The following HPSE2 variants were observed in gnomAD, a reference collection of about 807,000 sequenced individuals.
The protein encoded by HPSE2 is inactive heparanase-2.
Under a neutral mutation model 60.5 loss-of-function variants are expected in HPSE2, and 38 were observed. That is an observed-to-expected ratio of 0.63 (90% CI 0.48 to 0.82). The LOEUF is 0.82. Ranked by LOEUF, HPSE2 falls within the 40% of genes least tolerant of loss-of-function variation. The pLI, the probability that HPSE2 is intolerant of heterozygous loss-of-function variation, is 0.00. For synonymous variants in HPSE2, 295 were observed against 293.2 expected, an observed-to-expected ratio of 1.01 and a Z score of -0.06; for missense variants, 713 against 740.4, an observed-to-expected ratio of 0.96 and a Z score of 0.43.
intron 9 of HPSE2, among the ~76,000 whole-genome samples, chr10:98,545,953 A>C (rs1564956853): frequency 6.7e-6 from 1 of 149,198 alleles, no homozygotes; most frequent in African/African-American, 2.4e-5. Flanking sequence ...ACTTCAGCAA[A>C]GTCTCAGGAT....
At chr10:98,631,438 A>G (rs1946362509) in intron 7 of HPSE2, among the ~76,000 whole-genome samples, 3 of 152,340 alleles carry the variant, frequency 2.0e-5, no homozygotes, top group South Asian at 2.1e-4. Flanking sequence ...CCACTTGCAC[A>G]TAAATTACTC....
At chr10:99,119,476 T>C (rs1010147712) in intron 3 of HPSE2, among the ~76,000 whole-genome samples, 2 of 152,188 alleles carry the variant, frequency 1.3e-5, no homozygotes, top group Non-Finnish European at 2.9e-5. Flanking sequence ...TACATGCTCA[T>C]GGACAGGAAG....
intron 6 of HPSE2, among the ~76,000 whole-genome samples, chr10:98,651,105 G>C (rs1946901873): frequency 6.6e-6 from 1 of 152,150 alleles, no homozygotes; most frequent in Non-Finnish European, 1.5e-5. Context: ...CTTCTTAAAG[G>C]ATGCTCACTG....
intron 3 of HPSE2, among the ~76,000 whole-genome samples, chr10:99,130,201 T>C (rs1350672518): frequency 6.6e-6 from 1 of 151,740 alleles, no homozygotes; most frequent in East Asian, 1.9e-4. Context: ...CTATTGAACA[T>C]TGAAATAATT....
chr10:98,570,097 G>A (rs902549769), intron 9 of HPSE2, among the ~76,000 whole-genome samples: 1 of 152,134 alleles, frequency 6.6e-6, no homozygotes, highest in Non-Finnish European at 1.5e-5. Context: ...CTGGTTTATG[G>A]GTCTCTGCAA....
intron 8 of HPSE2, among the ~76,000 whole-genome samples, chr10:98,620,225 AT>A (rs1402512814): frequency 1.3e-5 from 2 of 152,036 alleles, no homozygotes; most frequent in African/African-American, 4.8e-5. Flanking sequence ...CATCAATCAT[AT>A]TTTTTTCTGG....
intron 9 of HPSE2, among the ~76,000 whole-genome samples, chr10:98,559,838 G>C (rs910071782): frequency 3.9e-5 from 6 of 152,196 alleles, no homozygotes; most frequent in Non-Finnish European, 8.8e-5. Context: ...TTGTGGAAGA[G>C]ATGGTTTGTG....
At chr10:98,612,375 C>G (rs751850241) in intron 9 of HPSE2, among the ~76,000 whole-genome samples, 1 of 152,220 alleles carries the variant, frequency 6.6e-6, no homozygotes, top group African/African-American at 2.4e-5. Flanking sequence ...ACCTTAGTTT[C>G]TCTTTAGCAA....
intron 3 of HPSE2, among the ~76,000 whole-genome samples, chr10:98,982,285 A>G (rs1956225543): frequency 6.6e-6 from 1 of 152,182 alleles, no homozygotes; most frequent in South Asian, 2.1e-4. Flanking sequence ...GAGAAGAGAA[A>G]TAAAGGTAAA....
intron 4 of HPSE2, among the ~76,000 whole-genome samples, chr10:98,740,230 C>G (rs1949464056): frequency 6.7e-6 from 1 of 149,094 alleles, no homozygotes; most frequent in Non-Finnish European, 1.5e-5. Flanking sequence ...GGTTCAAGAA[C>G]AGTAGCATGA....
intron 3 of HPSE2, among the ~76,000 whole-genome samples, chr10:98,963,141 C>T (rs1955723526): frequency 6.6e-6 from 1 of 152,044 alleles, no homozygotes; most frequent in African/African-American, 2.4e-5. Context: ...ATTTAAATAT[C>T]AGTCAATAAA....
the HPSE2 span, among the ~76,000 whole-genome samples, chr10:99,266,612 C>A: frequency 6.6e-6 from 1 of 152,112 alleles, no homozygotes; most frequent in Non-Finnish European, 1.5e-5. Context: ...TCTAGGGACC[C>A]ACCCACTGCC....
chr10:98,975,648 A>C (rs1015615563), intron 3 of HPSE2, among the ~76,000 whole-genome samples: 1 of 152,192 alleles, frequency 6.6e-6, no homozygotes, highest in African/African-American at 2.4e-5. Flanking sequence ...TTTATTCAGG[A>C]AATTCTCTTT....
chr10:99,196,903 A>T (rs1848418328), intron 2 of HPSE2, among the ~76,000 whole-genome samples: 1 of 152,188 alleles, frequency 6.6e-6, no homozygotes, highest in African/African-American at 2.4e-5. Context: ...TCAGTATATC[A>T]AAGAGGTATC....
chr10:98,549,722 G>A (rs911874322), intron 9 of HPSE2, among the ~76,000 whole-genome samples: 7 of 152,056 alleles, frequency 4.6e-5, no homozygotes, highest in South Asian at 4.2e-4. Context: ...CCACCTCTGC[G>A]TTTAATAGCA....
the HPSE2 span, among the ~76,000 whole-genome samples, chr10:99,284,940 G>A: frequency 6.6e-6 from 1 of 152,088 alleles, no homozygotes; most frequent in Non-Finnish European, 1.5e-5. Flanking sequence ...CCTACAGAGT[G>A]GGAGAAAATA....
In HPSE2 at chr10:98,795,994, C is replaced by T. The variant is rs558480000; in HGVS notation, c.611-51938G>A. ...GGATTCATTGCTGCTGACTGAAGAG[C>T]CCTTGGGTCCTGAATAACCACCAAT... On this transcript the variant is annotated intron_variant, in intron 3 of 11. Coordinates refer to ENST00000370552, the MANE Select transcript of HPSE2 (RefSeq NM_021828.5). Among the ~76,000 whole-genome samples the T allele has an allele frequency of 6.6e-5, 10 of 152,256 alleles. No homozygotes were observed. In the South Asian group the frequency reaches 1.0e-3, roughly 16 times the overall value.
intron 11 of HPSE2, among the ~76,000 whole-genome samples, chr10:98,469,030 T>C (rs1471656530): frequency 6.6e-6 from 1 of 152,188 alleles, no homozygotes; most frequent in East Asian, 1.9e-4. Flanking sequence ...GGGGGTTTTG[T>C]AGGCAAGTTG....
chr10:98,647,595 C>G (rs1420030690), intron 6 of HPSE2, among the ~76,000 whole-genome samples: 11 of 152,176 alleles, frequency 7.2e-5, no homozygotes, highest in Admixed American at 7.2e-4. Flanking sequence ...TAGAAAAACC[C>G]TGTTCACCTA....
Sources: gnomAD v4.1 joint callset for allele counts (sites outside exome capture counted in the v4.1 genomes callset) on GRCh38, gnomAD v4.1.1 for gene constraint, MANE v1.5 for transcripts, NCBI Gene and HGNC (gene_info 2026-07-23, HGNC 2026-07-21) for gene names.